The following EIPR1 variants were observed in gnomAD, a reference collection of about 807,000 sequenced individuals.
EIPR1 encodes the protein EARP complex and GARP complex interacting protein 1.
In EIPR1, 25 loss-of-function variants were observed where a neutral mutation model predicts 48.1. The observed-to-expected ratio is 0.52, with a 90% CI of 0.38 to 0.73. The LOEUF (loss-of-function observed/expected upper bound fraction) is 0.73. EIPR1 is among the 30% of genes least tolerant of loss of function. The probability of loss-of-function intolerance (pLI) is 0.00; values close to 1 mark genes in which losing one functional copy is unlikely to be tolerated. For missense variants in EIPR1, 415 were observed against 506.2 expected (o/e 0.82, Z 1.73); for synonymous variants, 204 against 201.9 (o/e 1.01, Z -0.09).
At chr2:3,267,796 GAGA>G in intron 3 of EIPR1, among the ~76,000 whole-genome samples, 1 of 152,254 alleles carries the variant, frequency 6.6e-6, no homozygotes, top group Non-Finnish European at 1.5e-5. Context: ...AAAGGACACA[GAGA>G]AGAATATGAG....
intron 2 of EIPR1, among the ~76,000 whole-genome samples, chr2:3,352,866 G>A (rs1243574272): frequency 1.3e-5 from 2 of 152,168 alleles, no homozygotes; most frequent in South Asian, 2.1e-4. Context: ...GCGTGGTGGT[G>A]CATGCCTGTA....
intron 7 of EIPR1, among the ~76,000 whole-genome samples, chr2:3,193,084 C>T (rs574174086): frequency 1.3e-5 from 2 of 152,284 alleles, no homozygotes; most frequent in African/African-American, 4.8e-5. Context: ...GGAGCTTCTG[C>T]CTCCCGTCAT....
intron 2 of EIPR1, among the ~76,000 whole-genome samples, chr2:3,339,937 G>C (rs529694903): frequency 2.0e-4 from 31 of 152,334 alleles, no homozygotes; most frequent in African/African-American, 4.8e-4. Flanking sequence ...GCGACAGAGC[G>C]AGACTCCGTC....
intron 4 of EIPR1, among the ~76,000 whole-genome samples, chr2:3,230,127 G>A (rs998319268): frequency 2.1e-5 from 3 of 146,278 alleles, no homozygotes; most frequent in Non-Finnish European, 3.0e-5. Context: ...CACTGGCTTG[G>A]TAAAAGTTAT....
At chr2:3,217,259 T>C (rs1242902857) in intron 4 of EIPR1, among the ~76,000 whole-genome samples, 1 of 152,240 alleles carries the variant, frequency 6.6e-6, no homozygotes, top group Non-Finnish European at 1.5e-5. Flanking sequence ...CACTAGCATG[T>C]ACTCACAAAG....
At chr2:3,293,254 C>T (rs1294730902) in intron 3 of EIPR1, among the ~76,000 whole-genome samples, 1 of 152,230 alleles carries the variant, frequency 6.6e-6, no homozygotes, top group Non-Finnish European at 1.5e-5. Context: ...AACCGGGTTC[C>T]CAGGACACCT....
chr2:3,321,063 A>C (rs1375219392), intron 3 of EIPR1, among the ~76,000 whole-genome samples: 1 of 152,218 alleles, frequency 6.6e-6, no homozygotes, highest in Non-Finnish European at 1.5e-5. Flanking sequence ...TGAACAGGGC[A>C]GGAGGCTCCA....
intron 3 of EIPR1, among the ~76,000 whole-genome samples, chr2:3,301,674 T>G (rs1668766037): frequency 6.6e-6 from 1 of 152,228 alleles, no homozygotes; most frequent in Admixed American, 6.5e-5. Flanking sequence ...GTTTGACACC[T>G]CAAACCTCTT....
At chr2:3,255,282 A>G (rs1667120517) in intron 4 of EIPR1, among the ~76,000 whole-genome samples, 1 of 151,904 alleles carries the variant, frequency 6.6e-6, no homozygotes, top group African/African-American at 2.4e-5. Context: ...TCCCAGATTC[A>G]AGTGATTCTT....
At chr2:3,341,605 G>A (rs1471397791) in intron 2 of EIPR1, among the ~76,000 whole-genome samples, 1 of 151,544 alleles carries the variant, frequency 6.6e-6, no homozygotes, top group Admixed American at 6.6e-5. Context: ...GTGTGTGTGA[G>A]GGTCTGTGGG....
At chr2:3,224,163 T>C (rs543090887) in intron 4 of EIPR1, among the ~76,000 whole-genome samples, 74 of 152,334 alleles carry the variant, frequency 4.9e-4, no homozygotes, top group African/African-American at 1.7e-3. Flanking sequence ...CTTGTCTCCC[T>C]GTAGTCTCTG....
intron 5 of EIPR1, among the ~76,000 whole-genome samples, chr2:3,202,795 G>A (rs1424123609): frequency 1.3e-5 from 2 of 152,310 alleles, no homozygotes; most frequent in South Asian, 2.1e-4. Context: ...CAAAACCCAC[G>A]GGATAAAACA....
chr2:3,350,643 C>T (rs978486893), intron 2 of EIPR1, among the ~76,000 whole-genome samples: 1 of 152,140 alleles, frequency 6.6e-6, no homozygotes, highest in East Asian at 1.9e-4. Flanking sequence ...ATGAAGTAAG[C>T]ATTTGTTGAG....
At chr2:3,221,596 C>G (rs1305191209) in intron 4 of EIPR1, among the ~76,000 whole-genome samples, 1 of 9,814 alleles carries the variant, frequency 1.0e-4, no homozygotes, top group African/African-American at 1.9e-4. Context: ...ACAGTGAGTT[C>G]GGAACACATG....
intron 2 of EIPR1, among the ~76,000 whole-genome samples, chr2:3,352,301 ACT>A (rs1160629962): frequency 6.8e-6 from 1 of 146,794 alleles, no homozygotes; most frequent in Non-Finnish European, 1.5e-5. Flanking sequence ...AGCCACCCAC[ACT>A]GTCTGTTCCG....
intron 5 of EIPR1, among the ~76,000 whole-genome samples, chr2:3,197,765 G>C (rs1664861010): frequency 6.6e-6 from 1 of 152,176 alleles, no homozygotes; most frequent in East Asian, 1.9e-4. Context: ...TCTGCCCCAG[G>C]GTCCTCTGTC....
intron 3 of EIPR1, among the ~76,000 whole-genome samples, chr2:3,313,423 C>T (rs571000649): frequency 7.2e-5 from 8 of 110,850 alleles, no homozygotes; most frequent in African/African-American, 3.8e-4. Context: ...ACAGGCATGG[C>T]AGGAGACGAG....
chr2:3,337,718 G>A (rs570804966), intron 3 of EIPR1, among the ~76,000 whole-genome samples: 24 of 152,292 alleles, frequency 1.6e-4, no homozygotes, highest in African/African-American at 5.8e-4. Context: ...ACAACGTACA[G>A]TTTCCACATC....
chr2:3,193,876 G>C (rs1664696867), intron 7 of EIPR1, 123 bp downstream of exon 7: 1 of 1,016,100 alleles, frequency 9.8e-7, no homozygotes. Flanking sequence ...AATAAAACTG[G>C]GTTGATTGAA....
Sources: gnomAD v4.1 joint callset for allele counts (sites outside exome capture counted in the v4.1 genomes callset) on GRCh38, gnomAD v4.1.1 for gene constraint, MANE v1.5 for transcripts, NCBI Gene and HGNC (gene_info 2026-07-23, HGNC 2026-07-21) for gene names.